Variants in SPOUT1 observed in about 807,000 individuals in gnomAD.
The protein encoded by SPOUT1 is SPOUT domain containing methyltransferase 1.
A neutral mutation model predicts 54.8 loss-of-function variants in SPOUT1; 40 were observed. The observed-to-expected ratio is 0.73, with a 90% CI of 0.57 to 0.95. SPOUT1 has a LOEUF of 0.95. SPOUT1 is among the 40% of genes least tolerant of loss of function. The probability of loss-of-function intolerance (pLI) is 0.00; values close to 1 mark genes in which losing one functional copy is unlikely to be tolerated. For synonymous variants in SPOUT1, 193 were observed against 200.3 expected (o/e 0.96, Z 0.31); for missense variants, 437 against 499.5 (o/e 0.87, Z 1.19).
rs759573784 is a variant in SPOUT1 at position 128,823,733 on chromosome 9, G to GCAGGCGGGCTCACCTC, written c.1060_1062+13dup. On this transcript the variant is annotated intron_variant, in intron 11 of 11. Transcript: ENST00000361256. ...GCCCCAGTGGCTGGCAGTCGGGGAG[G>GCAGGCGGGCTCACCTC]CAGGCGGGCTCACCTCCGTGCGGAT... 1.3e-6 allele frequency: 2 copies of GCAGGCGGGCTCACCTC among 1,591,762 alleles called. No homozygotes were observed. Among genetic ancestry groups the GCAGGCGGGCTCACCTC allele is most frequent in the South Asian group, 2.3e-5 (2 of 87,800 alleles).
At position 128,820,528 on chromosome 9, in the gene SPOUT1, C is replaced by T. The variant is rs1830089439; in HGVS notation, c.*2237G>A. On this transcript the variant is annotated 3_prime_UTR_variant, in exon 12 of 12. Transcript: ENST00000361256. Reference sequence around the variant, plus strand: ...GGGAGCTGAGAAAAGACTTTGACACCTGGGCTGTGGGAGGGACAGAGGGTG... The same window carrying T: ...GGGAGCTGAGAAAAGACTTTGACACTTGGGCTGTGGGAGGGACAGAGGGTG... 2 of 569,876 alleles carry T rather than the reference C, an allele frequency of 3.5e-6. No homozygotes were observed. Among genetic ancestry groups the T allele is most frequent in the Non-Finnish European group, 6.3e-6 (2 of 319,324 alleles). 35.3% of individuals were successfully genotyped at this position (569,876 alleles called of 1,614,324 possible).
chr9:128,828,607 C>T lies in SPOUT1; in HGVS notation c.208+128G>A, dbSNP rs1830286601. On this transcript the variant is annotated intron_variant, in intron 3 of 11. Coordinates refer to ENST00000361256, the MANE Select transcript of SPOUT1 (RefSeq NM_016390.4). ...CCCTCCCTTCTCTGGGCCTCAGTTTCTCCATCAGGACAAGATGTTTGGACC... is the reference window on the plus strand; with the variant it reads ...CCCTCCCTTCTCTGGGCCTCAGTTTTTCCATCAGGACAAGATGTTTGGACC... 4.0e-6 allele frequency: 4 copies of T among 994,182 alleles called. No individual in the cohort carries two copies. The South Asian group carries it at 6.2e-5, about 15-fold the overall frequency. The allele number at this position is 994,182 out of a possible 1,614,324, so 61.6% of individuals were successfully genotyped here.
intron 11 of SPOUT1, among the ~76,000 whole-genome samples, 184 bp from the exon 12 acceptor site, chr9:128,823,017 C>T (rs1830158903): frequency 6.6e-6 from 1 of 152,222 alleles, no homozygotes; most frequent in South Asian, 2.1e-4. Context: ...TGGAGGACCA[C>T]ACAGCCTGCT....
rs775303176 is a variant in SPOUT1, at chr9:128,824,754, G to A, written c.811+17C>T. On this transcript the variant is annotated intron_variant, in intron 9 of 11. Transcript: ENST00000361256. ...GAGGGATGGATGGATATTCAGAGAAGTAAGGTCTGTCCTTACTGAGGCAGG... is the reference window on the plus strand; with the variant it reads ...GAGGGATGGATGGATATTCAGAGAAATAAGGTCTGTCCTTACTGAGGCAGG... 31 of 1,587,830 alleles carry A rather than the reference G, an allele frequency of 2.0e-5. No homozygotes were observed. The highest frequency in any genetic ancestry group is 2.4e-5 in the Non-Finnish European group (28 of 1,157,250).
rs1256461892 is a variant in SPOUT1, at chr9:128,823,833, T to C, written c.976A>G (p.Asn326Asp). 6.2e-7 allele frequency: 1 copy of C among 1,612,540 alleles called. No individual in the cohort carries two copies. Among genetic ancestry groups the C allele is most frequent in the East Asian group, 2.2e-5 (1 of 44,852 alleles). ...GLEAGADADP[N>D]LEVAEPSVLF... The stretch of plus-strand genomic sequence containing the variant: ...ACACTGGGTTCAGCCACCTCCAGGT[T>C]GGGGTCAGCATCCGCTCCAGCTTCC... The change falls in exon 11 of 12, where the codon AAC becomes GAC. Residue 326 changes from asparagine to aspartate, a missense_variant. Transcript: ENST00000361256.
At position 128,824,783 on chromosome 9, in the gene SPOUT1, C is replaced by A. The variant is rs1830205218; in HGVS notation, c.799G>T (p.Ala267Ser). The A allele has an allele frequency of 3.7e-6, 6 of 1,612,932 alleles. No homozygotes were observed. Among genetic ancestry groups the A allele is most frequent in the Non-Finnish European group, 5.1e-6 (6 of 1,178,924 alleles). ...GGTCTGTCCTTACTGAGGCAGGAAG[C>A]CAGTCGGACGGTGTAGCCCCAGTAG... ...GLYWGYTVRLASCLSAVFAEA... is the reference protein window; with the variant it reads ...GLYWGYTVRLSSCLSAVFAEA... The change falls in exon 9 of 12, where the codon GCT (alanine) becomes TCT (serine). Residue 267 changes from alanine to serine, a missense_variant. Coordinates refer to ENST00000361256, the MANE Select transcript of SPOUT1 (RefSeq NM_016390.4).
At chr9:128,827,243 C>T (rs780680991) in intron 3 of SPOUT1, 52 bp from the exon 4 acceptor site, 1 of 1,513,014 alleles carries the variant, frequency 6.6e-7, no homozygotes, top group Non-Finnish European at 9.0e-7. Context: ...GGGCCCCCTA[C>T]CTTTCTCTCC....
rs770275764 is a variant in SPOUT1, at chr9:128,822,294, C to A, written c.*471G>T. 1.9e-6 allele frequency: 3 copies of A among 1,599,636 alleles called. No individual in the cohort carries two copies. Among genetic ancestry groups the A allele is most frequent in the East Asian group, 2.2e-5 (1 of 44,678 alleles). ...AGAGGTGGCTTTGGGTTCATCCAGGCCCCCTGCCCACGTGTGCCTGGGTCT... is the reference window on the plus strand; with the variant it reads ...AGAGGTGGCTTTGGGTTCATCCAGGACCCCTGCCCACGTGTGCCTGGGTCT... On this transcript the variant is annotated 3_prime_UTR_variant, in exon 12 of 12. Coordinates refer to ENST00000361256, the MANE Select transcript of SPOUT1 (RefSeq NM_016390.4).
In SPOUT1 at chr9:128,820,431, C is replaced by T. The variant is rs892063031; in HGVS notation, c.*2334G>A. 3.0e-6 allele frequency: 1 copy of T among 328,388 alleles called. No individual in the cohort carries two copies. 20.3% of individuals were successfully genotyped at this position (328,388 alleles called of 1,614,324 possible). On this transcript the variant is annotated 3_prime_UTR_variant, in exon 12 of 12. Transcript: ENST00000361256. ...GAAGGGCTGGTCTTCCCAGGAGACCCTGGGTGGGGCTGGGGACAGGCCTCA... is the reference window on the plus strand; with the variant it reads ...GAAGGGCTGGTCTTCCCAGGAGACCTTGGGTGGGGCTGGGGACAGGCCTCA...
chr9:128,827,959 A>C (rs1304957413), intron 3 of SPOUT1, among the ~76,000 whole-genome samples: 1 of 152,118 alleles, frequency 6.6e-6, no homozygotes, highest in African/African-American at 2.4e-5. Context: ...CATAGATAAC[A>C]TGGTTTCACT....
At position 128,827,003 on chromosome 9, in the gene SPOUT1, C is replaced by A. The variant is rs746221152; in HGVS notation, c.368+29G>T. The stretch of plus-strand genomic sequence containing the variant: ...CCGGCAGCCCCTCCCTCTCCCTGAA[C>A]CCTGGCACCCTGTGGGATGGCCCCT... On this transcript the variant is annotated intron_variant, in intron 4 of 11. Transcript: ENST00000361256. 3 of 1,608,410 alleles carry A rather than the reference C, an allele frequency of 1.9e-6. No individual in the cohort carries two copies. In the Admixed American group the frequency reaches 5.0e-5, roughly 27 times the overall value.
In SPOUT1 at chr9:128,829,786, G is replaced by C; in HGVS notation, c.-6C>G. 6.2e-7 allele frequency: 1 copy of C among 1,600,446 alleles called. No homozygotes were observed. The highest frequency in any genetic ancestry group is 8.5e-7 in the Non-Finnish European group (1 of 1,174,298). ...TTCCTGCCGCGCTCCGCCATGTTCC[G>C]CACACACCGTCGGTCCCGCCTCTGC... On this transcript the variant is annotated 5_prime_UTR_variant, in exon 1 of 12. Coordinates refer to ENST00000361256, the MANE Select transcript of SPOUT1 (RefSeq NM_016390.4).
chr9:128,825,931 G>T, intron 7 of SPOUT1, 91 bp downstream of exon 7: 1 of 1,544,038 alleles, frequency 6.5e-7, no homozygotes, highest in Non-Finnish European at 8.9e-7. Flanking sequence ...ATTTCGGGCA[G>T]GTCCAGGGCT....
At chr9:128,829,250 G>T in intron 1 of SPOUT1, 95 bp from the exon 2 acceptor site, 2 of 1,083,486 alleles carry the variant, frequency 1.8e-6, no homozygotes, top group Non-Finnish European at 2.9e-6. Context: ...CCCTCCACAC[G>T]GGGCGGCAAG....
At chr9:128,829,219 G>A in intron 1 of SPOUT1, 64 bp from the exon 2 acceptor site, 2 of 1,375,828 alleles carry the variant, frequency 1.5e-6, no homozygotes, top group Admixed American at 1.7e-5. Flanking sequence ...GAGGGGGTCC[G>A]TTTGCTGCAC....
intron 9 of SPOUT1, 25 bp from the exon 10 acceptor site, chr9:128,824,199 A>T: frequency 7.3e-7 from 1 of 1,378,124 alleles, no homozygotes; most frequent in Non-Finnish European, 1.0e-6. Flanking sequence ...AGCTCAGTGC[A>T]GGTCCTGCTC....
chr9:128,820,871 G>A lies in SPOUT1; in HGVS notation c.*1894C>T, dbSNP rs754942992. 1.7e-5 allele frequency: 27 copies of A among 1,583,432 alleles called. No homozygotes were observed. In the South Asian group the frequency reaches 2.2e-4, roughly 13 times the overall value. ...CAGGTAAGGTGGAAACCAGGGGGGC[G>A]GCAGAACCTCCCACTCACCTGAGGC... On this transcript the variant is annotated 3_prime_UTR_variant, in exon 12 of 12. Transcript: ENST00000361256.
In SPOUT1 at chr9:128,828,922, A is replaced by G. The variant is rs1308395543; in HGVS notation, c.83-62T>C. The G allele has an allele frequency of 5.0e-6, 8 of 1,606,752 alleles. No homozygotes were observed. The South Asian group carries it at 5.5e-5, about 11-fold the overall frequency. On this transcript the variant is annotated intron_variant, in intron 2 of 11. Coordinates refer to ENST00000361256, the MANE Select transcript of SPOUT1 (RefSeq NM_016390.4). ...GTTCCCACTCATTGGGTCAGCCTGG[A>G]CTCTGGAGAGCTGCTGGGTGAGCAG...
chr9:128,823,887 G>A lies in SPOUT1; in HGVS notation c.922C>T (p.Leu308Phe), dbSNP rs1342558413. 11 of 1,613,256 alleles carry A rather than the reference G, an allele frequency of 6.8e-6. No individual in the cohort carries two copies. Among genetic ancestry groups the A allele is most frequent in the South Asian group, 1.1e-5 (1 of 91,020 alleles). The change falls in exon 11 of 12, where the codon CTT becomes TTT. Residue 308 changes from leucine to phenylalanine, a missense_variant. Leu to Phe is a conservative substitution (Grantham distance 22). Transcript: ENST00000361256. ...CCCTGGAGGCCCCCGAACACCACAA[G>A]AGCATGCCTGGCCCATGTAAGAGGG... ...SAQLPNFRHA[L>F]VVFGGLQGLE...
Sources: allele counts gnomAD v4.1 joint callset (sites outside exome capture counted in the v4.1 genomes callset), GRCh38; gene constraint gnomAD v4.1.1; transcripts MANE v1.5; gene names NCBI Gene and HGNC (gene_info 2026-07-23, HGNC 2026-07-21).